PTPRG: variants seen among roughly 807,000 people sequenced by gnomAD.
PTPRG encodes receptor-type tyrosine-protein phosphatase gamma.
PTPRG carries 102 observed loss-of-function variants against 165.3 expected under a neutral mutation model. The ratio of observed to expected loss-of-function variants is 0.62; its 90% confidence interval spans 0.53 to 0.73. The LOEUF (loss-of-function observed/expected upper bound fraction) is 0.73. PTPRG is among the 30% of genes least tolerant of loss of function. PTPRG has a pLI of 0.00. For synonymous variants in PTPRG, 675 were observed against 669.5 expected, an observed-to-expected ratio of 1.01 and a Z score of -0.13; for missense variants, 1,866 against 1,861.4, an observed-to-expected ratio of 1.00 and a Z score of -0.05.
intron 1 of PTPRG, among the ~76,000 whole-genome samples, chr3:61,745,562 T>G (rs1010330739): frequency 1.3e-5 from 2 of 152,220 alleles, no homozygotes; most frequent in African/African-American, 4.8e-5. Context: ...TTGCGTAGTG[T>G]GAGGAAGATA....
intron 4 of PTPRG, among the ~76,000 whole-genome samples, chr3:62,054,075 T>A (rs11719263): frequency 0.089 from 13,574 of 152,250 alleles, 642 homozygotes; most frequent in South Asian, 0.1. Context: ...TTACCCTCAC[T>A]GCACATCTAT....
At position 62,252,549 on chromosome 3, in the gene PTPRG, T is replaced by G. The variant is rs1701447416; in HGVS notation, c.2468-2575T>G. Among the ~76,000 whole-genome samples the G allele has an allele frequency of 6.6e-6, 1 of 152,224 alleles. No individual in the cohort carries two copies. The highest frequency in any genetic ancestry group is 1.5e-5 in the Non-Finnish European group (1 of 68,034). ...ACATTTAGGTGGAGATAGCATGTTT[T>G]GGATGAATGTCTTCTTAAAACACAC... On this transcript the variant is annotated intron_variant, in intron 15 of 29. Transcript: ENST00000474889. The surrounding 1 kb of genome is among the most constrained non-coding windows in gnomAD (Gnocchi z 4.6).
rs1213491889 is a variant in PTPRG at position 62,296,250 on chromosome 3, A to AGAG, written c.*2944_*2946dup. 6.6e-6 allele frequency: 1 copy of AGAG among 151,926 alleles called. No homozygotes were observed. The highest frequency in any genetic ancestry group is 1.5e-5 in the Non-Finnish European group (1 of 67,928). The allele number at this position is 151,926 out of a possible 1,614,324, so 9.4% of individuals were successfully genotyped here. On this transcript the variant is annotated 3_prime_UTR_variant, in exon 30 of 30. Coordinates refer to ENST00000474889, the MANE Select transcript of PTPRG (RefSeq NM_002841.4). ...TGGTCTTCCTAATTTTTATGCCTTT[A>AGAG]GAGTTTTTAGTCTATTCAAGTAGAA...
At chr3:61,765,487 A>G (rs931450119) in intron 2 of PTPRG, among the ~76,000 whole-genome samples, 1 of 152,138 alleles carries the variant, frequency 6.6e-6, no homozygotes, top group Non-Finnish European at 1.5e-5. Flanking sequence ...ATTGCTAACC[A>G]TGAAGGACCC....
Position 61,880,877 on chromosome 3 carries a change from C to T in PTPRG, c.191-108748C>T, listed in dbSNP as rs918339467. ...GAGTTGGAGTCATAGAGTATTGGGTCTCTTTATCCCAGGAGATTTCCAATG... is the reference window on the plus strand; with the variant it reads ...GAGTTGGAGTCATAGAGTATTGGGTTTCTTTATCCCAGGAGATTTCCAATG... On this transcript the variant is annotated intron_variant, in intron 2 of 29. Transcript: ENST00000474889. Among the ~76,000 whole-genome samples, 7 of 151,198 alleles carry T rather than the reference C, an allele frequency of 4.6e-5. No individual in the cohort carries two copies. The South Asian group carries it at 1.5e-3, about 32-fold the overall frequency.
At chr3:61,601,071 A>G (rs938551695) in intron 1 of PTPRG, among the ~76,000 whole-genome samples, 1 of 152,172 alleles carries the variant, frequency 6.6e-6, no homozygotes, top group Non-Finnish European at 1.5e-5. Flanking sequence ...CCTGGCTTAC[A>G]TGACATAACC....
intron 6 of PTPRG, among the ~76,000 whole-genome samples, chr3:62,144,780 C>G (rs1704059211): frequency 6.6e-6 from 1 of 152,084 alleles, no homozygotes; most frequent in African/African-American, 2.4e-5. Context: ...TTTTCTTAGC[C>G]AGGAAATGGG....
Position 62,293,356 on chromosome 3 carries a change from A to G in PTPRG, c.*49A>G, listed in dbSNP as rs1181961303. The G allele has an allele frequency of 6.9e-7, 1 of 1,459,696 alleles. No individual in the cohort carries two copies. The allele number at this position is 1,459,696 out of a possible 1,614,324, so 90.4% of individuals were successfully genotyped here. ...ATTTGTAAACTTCTGAAGACTGAGA[A>G]CTTTTTTGAGGCCTTTTTTGCCAGA... On this transcript the variant is annotated 3_prime_UTR_variant, in exon 30 of 30. Coordinates refer to ENST00000474889, the MANE Select transcript of PTPRG (RefSeq NM_002841.4).
intron 1 of PTPRG, among the ~76,000 whole-genome samples, chr3:61,712,525 C>T (rs906109221): frequency 2.1e-4 from 32 of 152,020 alleles, no homozygotes; most frequent in African/African-American, 5.6e-4. Flanking sequence ...ATGCTGTTCT[C>T]GTGATAGTGA....
rs561765648 is a variant in PTPRG, at chr3:61,580,623, A to G, written c.85+18251A>G. Among the ~76,000 whole-genome samples the G allele has an allele frequency of 4.8e-4, 73 of 152,232 alleles. No individual in the cohort carries two copies. In the South Asian group the frequency reaches 0.013, roughly 28 times the overall value. ...GTGCTGGGATTATAGGCGTGAGCCA[A>G]TGCGCCCGGCCATCTGATTTATGGT... On this transcript the variant is annotated intron_variant, in intron 1 of 29. Transcript: ENST00000474889.
At chr3:61,875,451 A>C (rs577689449) in intron 2 of PTPRG, among the ~76,000 whole-genome samples, 2 of 152,218 alleles carry the variant, frequency 1.3e-5, no homozygotes, top group African/African-American at 2.4e-5. Context: ...TACTCGATTA[A>C]TCAGTTAAGT....
chr3:61,710,212 A>G (rs1396929338), intron 1 of PTPRG, among the ~76,000 whole-genome samples: 1 of 152,226 alleles, frequency 6.6e-6, no homozygotes, highest in East Asian at 1.9e-4. Context: ...GGAAACAGCT[A>G]GTATGAAAGA....
At chr3:61,731,131 A>G (rs909138827) in intron 1 of PTPRG, among the ~76,000 whole-genome samples, 4 of 152,164 alleles carry the variant, frequency 2.6e-5, no homozygotes, top group Non-Finnish European at 4.4e-5. Flanking sequence ...AGACCAAGGA[A>G]CGATTTGGCT....
At position 61,842,666 on chromosome 3, in the gene PTPRG, A is replaced by G. The variant is rs1261583866; in HGVS notation, c.190+93684A>G. Among the ~76,000 whole-genome samples the G allele has an allele frequency of 2.1e-5, 3 of 143,644 alleles. No homozygotes were observed. In the East Asian group the frequency reaches 6.1e-4, roughly 29 times the overall value. The allele number at this position is 143,644 out of a possible 152,430, so 94.2% of individuals were successfully genotyped here. On this transcript the variant is annotated intron_variant, in intron 2 of 29. Coordinates refer to ENST00000474889, the MANE Select transcript of PTPRG (RefSeq NM_002841.4). Reference sequence around the variant, plus strand: ...TAAAGTGAATTTTTCAAACCCTCTCAGGGCAATGTATGTGTGGCAAAAAAA... The same window carrying G: ...TAAAGTGAATTTTTCAAACCCTCTCGGGGCAATGTATGTGTGGCAAAAAAA...
chr3:61,981,189 CTCAG>C (rs36102438), intron 2 of PTPRG, among the ~76,000 whole-genome samples: 58,086 of 151,578 alleles, frequency 0.38, 11,379 homozygotes, highest in African/African-American at 0.46. Context: ...CTCGTGAGAA[CTCAG>C]TCAGTATCAC....
chr3:61,908,853 A>T (rs753932122), intron 2 of PTPRG, among the ~76,000 whole-genome samples: 20 of 152,240 alleles, frequency 1.3e-4, no homozygotes, highest in Non-Finnish European at 2.9e-5. Context: ...AAGAGTCTCC[A>T]GTTCCCGAAT....
At chr3:62,166,092 C>A (rs1027788343) in intron 7 of PTPRG, among the ~76,000 whole-genome samples, 1 of 151,858 alleles carries the variant, frequency 6.6e-6, no homozygotes, top group Non-Finnish European at 1.5e-5. Context: ...TTATTTGGCA[C>A]CAGAGGATCC....
At chr3:62,140,330 A>G (rs1255162420) in intron 6 of PTPRG, among the ~76,000 whole-genome samples, 1 of 152,254 alleles carries the variant, frequency 6.6e-6, no homozygotes, top group East Asian at 1.9e-4. Flanking sequence ...AGCCTTATTC[A>G]TAATAGCCAC....
intron 1 of PTPRG, among the ~76,000 whole-genome samples, chr3:61,727,225 TG>T (rs1196100388): frequency 3.3e-5 from 5 of 150,640 alleles, no homozygotes. Context: ...TTTTTTTTTT[TG>T]AGATGGAGTA....
Sources: allele counts gnomAD v4.1 joint callset (sites outside exome capture counted in the v4.1 genomes callset), GRCh38; gene constraint gnomAD v4.1.1; non-coding constraint Gnocchi (gnomAD v3.1); transcripts MANE v1.5; gene names NCBI Gene and HGNC (gene_info 2026-07-23, HGNC 2026-07-21).